Variants in CERS3 observed in about 807,000 individuals in gnomAD.
The protein encoded by CERS3 is ceramide synthase 3.
A neutral mutation model predicts 50.3 loss-of-function variants in CERS3; 33 were observed. The ratio of observed to expected loss-of-function variants is 0.66; its 90% CI spans 0.50 to 0.88. The LOEUF (loss-of-function observed/expected upper bound fraction) is 0.88. CERS3 is among the 40% of genes least tolerant of loss of function. CERS3 has a pLI of 0.00. For missense variants in CERS3, 470 were observed against 460.3 expected, an observed-to-expected ratio of 1.02 and a Z score of -0.19; for synonymous variants, 176 against 155.2, an observed-to-expected ratio of 1.13 and a Z score of -0.99.
chr15:100,417,514 G>A (rs1457644076), intron 11 of CERS3, among the ~76,000 whole-genome samples: 8 of 152,108 alleles, frequency 5.3e-5, no homozygotes, highest in South Asian at 2.1e-4. Flanking sequence ...AGGGGCGCCC[G>A]CCATTGCCCA....
intron 11 of CERS3, among the ~76,000 whole-genome samples, chr15:100,403,618 T>A (rs114538156): frequency 6.6e-6 from 1 of 152,348 alleles, no homozygotes; most frequent in African/African-American, 2.4e-5. Context: ...TGAACAACTC[T>A]ATGCATATAC....
chr15:100,530,001 T>A (rs2036899525), upstream of CERS3, among the ~76,000 whole-genome samples: 1 of 152,232 alleles, frequency 6.6e-6, no homozygotes, highest in Admixed American at 6.5e-5. Flanking sequence ...AGAGGATTGA[T>A]AAACGCCCTT....
At chr15:100,440,898 C>T (rs2033649585) in intron 11 of CERS3, among the ~76,000 whole-genome samples, 1 of 152,218 alleles carries the variant, frequency 6.6e-6, no homozygotes, top group African/African-American at 2.4e-5. Context: ...ACAAAGGAGA[C>T]ATGTTTTATC....
intron 11 of CERS3, among the ~76,000 whole-genome samples, chr15:100,437,538 G>C (rs780877051): frequency 6.6e-6 from 1 of 152,198 alleles, no homozygotes; most frequent in Non-Finnish European, 1.5e-5. Flanking sequence ...CACAATGTCA[G>C]CTGCAGCACT....
At chr15:100,417,748 T>G (rs1300549459) in intron 11 of CERS3, among the ~76,000 whole-genome samples, 1 of 151,862 alleles carries the variant, frequency 6.6e-6, no homozygotes, top group South Asian at 2.1e-4. Flanking sequence ...ACGGGCAGAC[T>G]GCCTCCTCAA....
chr15:100,506,442 G>A lies in CERS3; in HGVS notation c.-1-4592C>T, dbSNP rs74041477. ...CATCCAACAGATCACAAGTGCTGAC[G>A]GGGTGTGAAGAAATCGGGACCCCCC... On this transcript the variant is annotated intron_variant, in intron 2 of 11. Transcript: ENST00000679737. Among the ~76,000 whole-genome samples, 909 of 147,896 alleles carry A rather than the reference G, an allele frequency of 6.1e-3. 12 individuals are homozygous for A. The highest frequency in any genetic ancestry group is 0.021 in the African/African-American group (861 of 40,130).
At chr15:100,482,663 A>G (rs1311381195) in intron 5 of CERS3, among the ~76,000 whole-genome samples, 1 of 152,140 alleles carries the variant, frequency 6.6e-6, no homozygotes, top group Non-Finnish European at 1.5e-5. Context: ...GGAATAGAGC[A>G]CAAGGGTCAC....
intron 3 of CERS3, among the ~76,000 whole-genome samples, chr15:100,499,517 A>G (rs1466947867): frequency 6.6e-6 from 1 of 152,118 alleles, no homozygotes; most frequent in Non-Finnish European, 1.5e-5. Flanking sequence ...ATTTTCTAGG[A>G]AGAAACATTA....
intron 11 of CERS3, among the ~76,000 whole-genome samples, chr15:100,417,788 G>A (rs890544577): frequency 2.6e-5 from 4 of 151,790 alleles, no homozygotes; most frequent in Non-Finnish European, 5.9e-5. Context: ...CCCCTGGGCA[G>A]CCTAACTGAG....
At chr15:100,428,916 G>A (rs374337951) in intron 11 of CERS3, among the ~76,000 whole-genome samples, 50 of 152,286 alleles carry the variant, frequency 3.3e-4, no homozygotes, top group Non-Finnish European at 5.6e-4. Context: ...AGGAGTAGCC[G>A]GAGAAGAGTG....
At chr15:100,473,553 T>C (rs2035034177) in intron 8 of CERS3, among the ~76,000 whole-genome samples, 1 of 152,160 alleles carries the variant, frequency 6.6e-6, no homozygotes, top group South Asian at 2.1e-4. Flanking sequence ...GAAAGCATGC[T>C]CAATCATTAG....
At chr15:100,428,934 C>T (rs1295650069) in intron 11 of CERS3, among the ~76,000 whole-genome samples, 2 of 152,208 alleles carry the variant, frequency 1.3e-5, no homozygotes, top group Non-Finnish European at 2.9e-5. Flanking sequence ...GTGGAATAAA[C>T]CTTTCAAGAA....
intron 11 of CERS3, among the ~76,000 whole-genome samples, chr15:100,444,906 G>A (rs1292790327): frequency 1.3e-5 from 2 of 152,122 alleles, no homozygotes; most frequent in Non-Finnish European, 2.9e-5. Context: ...TAGTCCAATA[G>A]CAGACCGGCC....
chr15:100,461,758 G>A lies in CERS3; in HGVS notation c.846-5712C>T, dbSNP rs146399978. ...GAAGAGGAGGAGTCCACTTTGGAGA[G>A]GGTAAGCAGGATCCGAGGAATGGGG... On this transcript the variant is annotated intron_variant, in intron 10 of 11. Coordinates refer to ENST00000679737, the MANE Select transcript of CERS3 (RefSeq NM_001378789.1). Among the ~76,000 whole-genome samples the A allele has an allele frequency of 1.7e-3, 266 of 152,256 alleles. 1 individual carries two copies. The highest frequency in any genetic ancestry group is 4.7e-3 in the Admixed American group (72 of 15,288).
intron 10 of CERS3, 64 bp downstream of exon 10, chr15:100,469,313 TA>T: frequency 8.4e-7 from 1 of 1,189,812 alleles, no homozygotes; most frequent in Non-Finnish European, 1.3e-6. Flanking sequence ...GCCCTGAGGG[TA>T]ACCATGCACT....
At chr15:100,514,205 C>T (rs1053371581) in intron 2 of CERS3, among the ~76,000 whole-genome samples, 39 of 152,144 alleles carry the variant, frequency 2.6e-4, no homozygotes, top group African/African-American at 8.7e-4. Context: ...TTGTAAATCG[C>T]TTTATTTCAT....
At chr15:100,407,772 G>C (rs1596600727) in intron 11 of CERS3, among the ~76,000 whole-genome samples, 1 of 152,200 alleles carries the variant, frequency 6.6e-6, no homozygotes, top group African/African-American at 2.4e-5. Context: ...CATGGTATTA[G>C]GTATTGTAAG....
At chr15:100,444,044 G>A (rs892112568) in intron 11 of CERS3, among the ~76,000 whole-genome samples, 9 of 152,072 alleles carry the variant, frequency 5.9e-5, no homozygotes, top group African/African-American at 2.2e-4. Context: ...GAAGTGCAGG[G>A]CTGTGCAATC....
intron 2 of CERS3, among the ~76,000 whole-genome samples, chr15:100,510,054 G>C (rs532219696): frequency 1.3e-5 from 2 of 149,608 alleles, no homozygotes; most frequent in Non-Finnish European, 3.0e-5. Context: ...ATGTCTTTAA[G>C]ATAAAACACA....
Sources: gnomAD v4.1 joint callset for allele counts (sites outside exome capture counted in the v4.1 genomes callset) on GRCh38, gnomAD v4.1.1 for gene constraint, MANE v1.5 for transcripts, NCBI Gene and HGNC (gene_info 2026-07-23, HGNC 2026-07-21) for gene names.